Variants in GRHL2 observed in about 807,000 individuals in gnomAD.
GRHL2 encodes grainyhead-like protein 2 homolog.
Under a neutral mutation model 83.8 loss-of-function variants are expected in GRHL2, and 21 were observed. That is an observed-to-expected ratio of 0.25 (90% CI 0.18 to 0.36). The LOEUF is 0.36. Among genes scored for constraint, GRHL2 ranks in the 10% least tolerant of loss-of-function variants. The probability of loss-of-function intolerance (pLI) is 1.00; values close to 1 mark genes in which losing one functional copy is unlikely to be tolerated. For synonymous variants in GRHL2, 280 were observed against 278.9 expected (o/e 1.00, Z -0.04); for missense variants, 623 against 781.8 (o/e 0.80, Z 2.42).
At chr8:101,677,798 T>A in the GRHL2 span, among the ~76,000 whole-genome samples, 2 of 152,082 alleles carry the variant, frequency 1.3e-5, no homozygotes, top group African/African-American at 4.8e-5. Flanking sequence ...CATTTTATGT[T>A]AGCACCCAGT....
chr8:101,518,873 C>T (rs1020460382), intron 1 of GRHL2, among the ~76,000 whole-genome samples: 1 of 152,176 alleles, frequency 6.6e-6, no homozygotes, highest in Non-Finnish European at 1.5e-5. Flanking sequence ...TTAGCAAGCA[C>T]TCTACGTAAT....
At chr8:101,594,069 CAAAAAAAAAAAAAAAAAAA>C (rs534396520) in intron 7 of GRHL2, among the ~76,000 whole-genome samples, 25 of 49,084 alleles carry the variant, frequency 5.1e-4, no homozygotes, top group African/African-American at 2.1e-3. Context: ...GAGTCTGTAT[CAAAAAAAAAAAAAAAAAAA>C]AAAAAAAAAA....
At chr8:101,570,011 T>A (rs1242850505) in intron 4 of GRHL2, among the ~76,000 whole-genome samples, 1 of 152,196 alleles carries the variant, frequency 6.6e-6, no homozygotes, top group Admixed American at 6.5e-5. Flanking sequence ...TTTATGACAT[T>A]TGGAATAAGT....
At chr8:101,587,377 C>T (rs1812190121) in intron 7 of GRHL2, among the ~76,000 whole-genome samples, 1 of 152,194 alleles carries the variant, frequency 6.6e-6, no homozygotes, top group South Asian at 2.1e-4. Flanking sequence ...TATAGAGATA[C>T]TGGTTTAGAT....
chr8:101,528,319 T>C (rs376032021), intron 1 of GRHL2, among the ~76,000 whole-genome samples: 61 of 152,340 alleles, frequency 4.0e-4, no homozygotes, highest in African/African-American at 1.4e-3. Flanking sequence ...GTACAAACTT[T>C]TATTTTTATT....
chr8:101,570,374 C>T lies in GRHL2; in HGVS notation c.714C>T (p.Tyr238=), dbSNP rs770716408. 21 of 1,613,654 alleles carry T rather than the reference C, an allele frequency of 1.3e-5. No individual in the cohort carries two copies. Among genetic ancestry groups the T allele is most frequent in the African/African-American group, 4.0e-5 (3 of 74,898 alleles). ...GTGCTTCAGTTGGGGCTGAGGAGTA[C>T]ATGTATGATCAGACATCAAGGTGAG... ...FRSASVGAEE[Y]MYDQTSSGTF... The change falls in exon 5 of 16, where the codon TAC becomes TAT. Residue 238 remains tyrosine (Y), a synonymous_variant. Coordinates refer to ENST00000646743, the MANE Select transcript of GRHL2 (RefSeq NM_024915.4).
Position 101,577,402 on chromosome 8 carries a change from C to G in GRHL2, c.892-6C>G. 5.6e-6 allele frequency: 9 copies of G among 1,594,888 alleles called. No homozygotes were observed. The highest frequency in any genetic ancestry group is 7.7e-6 in the Non-Finnish European group (9 of 1,162,864). On this transcript the variant is annotated splice_region_variant and splice_polypyrimidine_tract_variant and intron_variant, in intron 6 of 15. Coordinates refer to ENST00000646743, the MANE Select transcript of GRHL2 (RefSeq NM_024915.4). ...AAAGTAAGCTCCACGATTCTCCCCTCTGCAGAGTGTGGTGATGGTGGTCTT... is the reference window on the plus strand; with the variant it reads ...AAAGTAAGCTCCACGATTCTCCCCTGTGCAGAGTGTGGTGATGGTGGTCTT...
intron 1 of GRHL2, among the ~76,000 whole-genome samples, chr8:101,534,215 G>A (rs1810994734): frequency 6.6e-6 from 1 of 152,152 alleles, no homozygotes; most frequent in East Asian, 1.9e-4. Context: ...GAGCAGCTTA[G>A]CTGTGAGGTT....
At chr8:101,594,108 A>T (rs1042377279) in intron 7 of GRHL2, among the ~76,000 whole-genome samples, 2 of 135,954 alleles carry the variant, frequency 1.5e-5, no homozygotes, top group South Asian at 2.5e-4. Context: ...AGAGAGAGAT[A>T]GTGAAGGGGG....
chr8:101,613,344 T>C (rs1327284566), intron 8 of GRHL2, among the ~76,000 whole-genome samples: 1 of 150,840 alleles, frequency 6.6e-6, no homozygotes, highest in Non-Finnish European at 1.5e-5. Context: ...TGAAGAGTAC[T>C]TTCTAAAAGT....
At chr8:101,516,462 G>A (rs573744018) in intron 1 of GRHL2, among the ~76,000 whole-genome samples, 58 of 144,384 alleles carry the variant, frequency 4.0e-4, no homozygotes, top group Middle Eastern at 3.7e-3. Context: ...TGGCCAGGCT[G>A]GAGGGAGTGC....
At chr8:101,570,741 G>A (rs547562818) in intron 5 of GRHL2, among the ~76,000 whole-genome samples, 3 of 152,058 alleles carry the variant, frequency 2.0e-5, no homozygotes, top group Admixed American at 1.3e-4. Context: ...CACACCTGGT[G>A]TTCTGCTTTT....
At chr8:101,642,049 G>A (rs1813412815) in intron 12 of GRHL2, among the ~76,000 whole-genome samples, 1 of 152,274 alleles carries the variant, frequency 6.6e-6, no homozygotes. Flanking sequence ...TGAAGCTATG[G>A]TTGTGAAACC....
intron 14 of GRHL2, among the ~76,000 whole-genome samples, chr8:101,659,464 G>T (rs1406418254): frequency 6.6e-6 from 1 of 152,206 alleles, no homozygotes; most frequent in Non-Finnish European, 1.5e-5. Context: ...GAAGCAGGTT[G>T]TCCTTCAAGG....
chr8:101,508,388 G>GTTTTTT (rs4002328), intron 1 of GRHL2, among the ~76,000 whole-genome samples: 1 of 139,602 alleles, frequency 7.2e-6, no homozygotes, highest in Non-Finnish European at 1.5e-5. Flanking sequence ...ATTTACTCAG[G>GTTTTTT]TTTTTTTTTT....
chr8:101,533,409 TATTC>T (rs1810978909), intron 1 of GRHL2, among the ~76,000 whole-genome samples: 1 of 152,258 alleles, frequency 6.6e-6, no homozygotes, highest in South Asian at 2.1e-4. Flanking sequence ...ATGGAGCTTT[TATTC>T]ATTCATTTAA....
intron 2 of GRHL2, among the ~76,000 whole-genome samples, chr8:101,550,161 G>A (rs114660177): frequency 0.087 from 11,274 of 129,800 alleles, 482 homozygotes; most frequent in African/African-American, 0.13. Flanking sequence ...TTTAAGTTCT[G>A]GGATACATAT....
rs1288665861 is a variant in GRHL2 at position 101,669,070 on chromosome 8, A to T, written c.*2367A>T. On this transcript the variant is annotated 3_prime_UTR_variant, in exon 16 of 16. Transcript: ENST00000646743. ...CCCCTCTGCATCCTCGGAGCACCCC[A>T]GTTTGCCTTTGATGTGTCCGCTGTG... is the stretch of plus-strand genomic sequence containing the variant. 1 of 152,130 alleles carries T rather than the reference A, an allele frequency of 6.6e-6. No individual in the cohort carries two copies. The highest frequency in any genetic ancestry group is 1.5e-5 in the Non-Finnish European group (1 of 68,040). 9.4% of individuals were successfully genotyped at this position (152,130 alleles called of 1,614,324 possible). A position where few individuals can be genotyped will look rare whatever the true frequency, so the allele number is the denominator to read the frequency against.
At chr8:101,577,613 C>A in intron 7 of GRHL2, 94 bp downstream of exon 7, 1 of 822,084 alleles carries the variant, frequency 1.2e-6, no homozygotes, top group Non-Finnish European at 2.1e-6. Flanking sequence ...ACAGCTGGAG[C>A]CACAGAGCTC....
Sources: allele counts gnomAD v4.1 joint callset (sites outside exome capture counted in the v4.1 genomes callset), GRCh38; gene constraint gnomAD v4.1.1; transcripts MANE v1.5; gene names NCBI Gene and HGNC (gene_info 2026-07-23, HGNC 2026-07-21).